LTF: variants seen among roughly 807,000 people sequenced by gnomAD.
LTF encodes epididymis luminal protein 110.
LTF carries 91 observed loss-of-function variants against 87.2 expected under a neutral mutation model. The observed-to-expected ratio is 1.04, with a 90% CI of 0.88 to 1.24. The LOEUF is 1.24. Among genes scored for constraint, LTF ranks in the 50% most tolerant of loss-of-function variants. LTF has a pLI of 0.00. For synonymous variants in LTF, 378 were observed against 356.1 expected, an observed-to-expected ratio of 1.06 and a Z score of -0.69; for missense variants, 901 against 904.3, an observed-to-expected ratio of 1.00 and a Z score of 0.05.
At chr3:46,436,773 A>G (rs1258859194) in intron 16 of LTF, among the ~76,000 whole-genome samples, 1 of 152,212 alleles carries the variant, frequency 6.6e-6, no homozygotes, top group Non-Finnish European at 1.5e-5. Context: ...CCTGACCTGC[A>G]TCACAGTGAC....
In LTF at chr3:46,462,735, C is replaced by T. The variant is rs1480228395; in HGVS notation, c.43+2090G>A. Among the ~76,000 whole-genome samples the T allele has an allele frequency of 5.3e-5, 8 of 151,918 alleles. No individual in the cohort carries two copies. The East Asian group carries it at 1.4e-3, about 26-fold the overall frequency. Reference sequence around the variant, plus strand: ...TGGGAACAGGCAGAGAAGCTGTGGCCAACGAAGGCACCAGGGAAGGGCTAG... The same window carrying T: ...TGGGAACAGGCAGAGAAGCTGTGGCTAACGAAGGCACCAGGGAAGGGCTAG... On this transcript the variant is annotated intron_variant, in intron 1 of 16. Coordinates refer to ENST00000231751, the MANE Select transcript of LTF (RefSeq NM_002343.6).
intron 1 of LTF, among the ~76,000 whole-genome samples, chr3:46,463,044 C>T (rs192483131): frequency 1.3e-5 from 2 of 152,116 alleles, no homozygotes; most frequent in Non-Finnish European, 2.9e-5. Context: ...TCTCCACGCT[C>T]TTACCTCCCA....
chr3:46,463,401 C>A, intron 1 of LTF: 1 of 933,312 alleles, frequency 1.1e-6, no homozygotes, highest in Middle Eastern at 5.5e-4. Context: ...CAGACTCCTC[C>A]ACCCAATGCT....
At chr3:46,447,650 G>C (rs1431776920) in intron 9 of LTF, among the ~76,000 whole-genome samples, 2 of 152,200 alleles carry the variant, frequency 1.3e-5, no homozygotes, top group African/African-American at 4.8e-5. Context: ...TCTGTCCTCT[G>C]AGCAAAACCT....
chr3:46,474,607 T>C (rs1010985825), intron 1 of LTF, among the ~76,000 whole-genome samples: 1 of 152,162 alleles, frequency 6.6e-6, no homozygotes, highest in Non-Finnish European at 1.5e-5. Flanking sequence ...CAGAACTGAA[T>C]CAACATTTAT....
intron 12 of LTF, among the ~76,000 whole-genome samples, chr3:46,444,088 A>AG (rs1702588632): frequency 5.3e-5 from 8 of 152,232 alleles, no homozygotes; most frequent in African/African-American, 1.7e-4. Context: ...GCTTCTCAGA[A>AG]ACATCCTTGA....
intron 2 of LTF, among the ~76,000 whole-genome samples, chr3:46,458,683 T>C (rs1703002711): frequency 6.6e-6 from 1 of 152,246 alleles, no homozygotes; most frequent in South Asian, 2.1e-4. Context: ...CAAGTGATTC[T>C]CCTGCCTCAG....
At chr3:46,443,414 C>A (rs748556681) in intron 13 of LTF, 27 bp downstream of exon 13, 1 of 1,613,404 alleles carries the variant, frequency 6.2e-7, no homozygotes, top group Non-Finnish European at 8.5e-7. Context: ...AAGTCCCCAT[C>A]CTGATGGAGC....
chr3:46,471,758 C>A (rs111524785), intron 1 of LTF, among the ~76,000 whole-genome samples: 237 of 152,354 alleles, frequency 1.6e-3, no homozygotes, highest in African/African-American at 5.6e-3. Context: ...CACCTGCCTG[C>A]AGAGAAGCTG....
At chr3:46,448,803 T>C in intron 9 of LTF, 60 bp downstream of exon 9, 1 of 1,581,674 alleles carries the variant, frequency 6.3e-7, no homozygotes, top group Non-Finnish European at 8.6e-7. Context: ...TTTAAGCAGA[T>C]GCCCAGGCCC....
rs115608632 is a variant in LTF, at chr3:46,470,942, G to A, written c.-319-476C>T. 5.5e-3 allele frequency among the ~76,000 whole-genome samples: 831 copies of A among 152,302 alleles called. 6 individuals carry two copies. Among genetic ancestry groups the A allele is most frequent in the African/African-American group, 0.019 (806 of 41,560 alleles). ...TACAGACAAGCTGTCATTGATATTT[G>A]CAGACATTCATGAGCCCCCACTGTG... On this transcript the variant is annotated intron_variant, in intron 1 of 19. Coordinates refer to the LTF transcript ENST00000443496.
At chr3:46,443,726 G>C (rs1702578735) in intron 12 of LTF, 144 bp from the exon 13 acceptor site, 1 of 762,066 alleles carries the variant, frequency 1.3e-6, no homozygotes, top group Non-Finnish European at 2.2e-6. Flanking sequence ...CCATCACAAA[G>C]CAACATGTTG....
chr3:46,482,034 A>G (rs1703436546), intron 1 of LTF, among the ~76,000 whole-genome samples: 2 of 152,266 alleles, frequency 1.3e-5, no homozygotes, highest in Admixed American at 6.5e-5. Flanking sequence ...CATCAATGAC[A>G]TAAGCATTTT....
chr3:46,443,443 G>A lies in LTF; in HGVS notation c.1653C>T (p.Phe551=). ...NERYYGYTGA[F]RCLAENAGDV... The stretch of plus-strand genomic sequence containing the variant: ...ATGGAGCTCAGTCACAGACTCACCG[G>A]AAAGCCCCAGTGTAGCCGTAGTATC... The change falls in exon 13 of 17, where the codon TTC becomes TTT. Residue 551 remains phenylalanine (F), a splice_region_variant and synonymous_variant. Coordinates refer to ENST00000231751, the MANE Select transcript of LTF (RefSeq NM_002343.6). 6.2e-7 allele frequency: 1 copy of A among 1,614,120 alleles called. No individual in the cohort carries two copies. Among genetic ancestry groups the A allele is most frequent in the Non-Finnish European group, 8.5e-7 (1 of 1,180,030 alleles).
At chr3:46,484,079 T>A (rs762818043) in intron 1 of LTF, among the ~76,000 whole-genome samples, 9 of 152,198 alleles carry the variant, frequency 5.9e-5, no homozygotes, top group Admixed American at 4.6e-4. Context: ...CCCTGGAGGC[T>A]ACAGAGCAAA....
At chr3:46,462,541 T>G (rs1703110067) in intron 1 of LTF, among the ~76,000 whole-genome samples, 1 of 152,170 alleles carries the variant, frequency 6.6e-6, no homozygotes, top group Admixed American at 6.5e-5. Context: ...CTAGCCTGCC[T>G]ATTTAGGTTG....
intron 11 of LTF, among the ~76,000 whole-genome samples, chr3:46,445,728 T>C (rs1702637006): frequency 1.3e-5 from 2 of 152,204 alleles, no homozygotes; most frequent in South Asian, 4.1e-4. Context: ...CAGCAATGCA[T>C]CTCTCAGTGT....
intron 6 of LTF, among the ~76,000 whole-genome samples, chr3:46,451,540 TTG>T (rs1702801677): frequency 6.6e-6 from 1 of 152,202 alleles, no homozygotes; most frequent in East Asian, 1.9e-4. Flanking sequence ...CAACATCTAT[TTG>T]TGTGTGGTTT....
At chr3:46,451,596 GT>G (rs976575518) in intron 6 of LTF, among the ~76,000 whole-genome samples, 7 of 152,002 alleles carry the variant, frequency 4.6e-5, no homozygotes, top group Admixed American at 3.3e-4. Flanking sequence ...AATCGGTAAA[GT>G]TTTTTTGTTT....
Sources: allele counts gnomAD v4.1 joint callset (sites outside exome capture counted in the v4.1 genomes callset), GRCh38; gene constraint gnomAD v4.1.1; transcripts MANE v1.5; gene names NCBI Gene and HGNC (gene_info 2026-07-23, HGNC 2026-07-21).